Variants in MFSD8 observed in about 807,000 individuals in gnomAD.
MFSD8 encodes major facilitator superfamily domain containing 8, also known as major facilitator superfamily domain-containing protein 8.
MFSD8 carries 55 observed loss-of-function variants against 66.4 expected under a neutral mutation model. The observed-to-expected ratio is 0.83, with a 90% CI of 0.67 to 1.04. The LOEUF (loss-of-function observed/expected upper bound fraction) is 1.04. Ranked by LOEUF, MFSD8 falls within the 50% of genes least tolerant of loss-of-function variation. MFSD8 has a pLI of 0.00. For synonymous variants in MFSD8, 202 were observed against 212.8 expected (o/e 0.95, Z 0.44); for missense variants, 550 against 627.6 (o/e 0.88, Z 1.32).
rs1489775336 is a variant in MFSD8 at position 127,924,126 on chromosome 4, C to CA, written c.999-2164_999-2163insT. On this transcript the variant is annotated intron_variant, in intron 9 of 11. Transcript: ENST00000641686. ...GGCTGTGAATCTATCTGGTCCTGGG[C>CA]TTTTTTTGGTTGGTAGGCTATTAAT... Among the ~76,000 whole-genome samples, 7 of 152,070 alleles carry CA rather than the reference C, an allele frequency of 4.6e-5. No individual in the cohort carries two copies. In the East Asian group the frequency reaches 1.4e-3, roughly 29 times the overall value.
At chr4:127,965,358 T>A (rs556958266), upstream of MFSD8, 116 of 616,756 alleles carry the variant, frequency 1.9e-4, no homozygotes, top group African/African-American at 2.0e-3. Context: ...GGCACGCGCC[T>A]CCCATCCTGA....
At chr4:127,937,427 T>C (rs1394135750) in intron 7 of MFSD8, among the ~76,000 whole-genome samples, 2 of 152,186 alleles carry the variant, frequency 1.3e-5, no homozygotes, top group African/African-American at 4.8e-5. Context: ...CAAATCTCTA[T>C]CTTGATTCCT....
upstream of MFSD8, chr4:127,965,579 T>G: frequency 4.3e-6 from 1 of 230,188 alleles, no homozygotes; most frequent in South Asian, 5.2e-5. Flanking sequence ...CCCGGCCAGC[T>G]CGATCGCAGG....
chr4:127,954,939 C>T (rs1033067610), intron 2 of MFSD8, among the ~76,000 whole-genome samples: 1 of 152,194 alleles, frequency 6.6e-6, no homozygotes, highest in Non-Finnish European at 1.5e-5. Context: ...GATACCATCT[C>T]ATCCACTAGG....
chr4:127,938,759 T>C, intron 7 of MFSD8, 24 bp downstream of exon 7: 1 of 1,583,704 alleles, frequency 6.3e-7, no homozygotes, highest in East Asian at 2.2e-5. Context: ...GTTATATTAA[T>C]TCAGCCAAAT....
intron 9 of MFSD8, among the ~76,000 whole-genome samples, chr4:127,924,490 A>G (rs974279875): frequency 3.3e-4 from 50 of 152,310 alleles, no homozygotes; most frequent in African/African-American, 1.2e-3. Context: ...GCCATTCACA[A>G]TTGCTGCAAA....
At chr4:127,954,797 A>T (rs1306022590) in intron 2 of MFSD8, among the ~76,000 whole-genome samples, 1 of 152,244 alleles carries the variant, frequency 6.6e-6, no homozygotes, top group Non-Finnish European at 1.5e-5. Flanking sequence ...CAACTCAACA[A>T]CAAAAAATCC....
At chr4:127,936,537 A>T (rs896032751) in intron 7 of MFSD8, among the ~76,000 whole-genome samples, 3 of 152,084 alleles carry the variant, frequency 2.0e-5, no homozygotes, top group Admixed American at 1.3e-4. Flanking sequence ...GCCAGCCTGG[A>T]CAATATGGCA....
At chr4:127,965,044 A>AG in intron 1 of MFSD8, 28 bp downstream of exon 1, 3 of 1,611,356 alleles carry the variant, frequency 1.9e-6, no homozygotes, top group African/African-American at 2.7e-5. Flanking sequence ...CAGGAGACTG[A>AG]GGGGTCCCTC....
intron 5 of MFSD8, 94 bp from the exon 6 acceptor site, chr4:127,940,091 G>T: frequency 1.7e-6 from 2 of 1,186,008 alleles, no homozygotes; most frequent in Non-Finnish European, 1.2e-6. Flanking sequence ...TGGGAACAAT[G>T]TTATGGAATC....
rs777137519 is a variant in MFSD8, at chr4:127,947,898, A to ACACACACACACACACTCT, written c.198+1905_198+1906insAGAGTGTGTGTGTGTGTG. On this transcript the variant is annotated intron_variant, in intron 3 of 11. Coordinates refer to ENST00000641686, the MANE Select transcript of MFSD8 (RefSeq NM_001371596.2). ...CACACACACACACACACACACACAC[A>ACACACACACACACACTCT]CTCTCTCTCCAACCTCATAGAAAAA... is the stretch of plus-strand genomic sequence containing the variant. 4.3e-4 allele frequency among the ~76,000 whole-genome samples: 63 copies of ACACACACACACACACTCT among 146,938 alleles called. No individual in the cohort carries two copies. In the East Asian group the frequency reaches 0.011, roughly 27 times the overall value.
chr4:127,918,503 G>A lies in MFSD8; in HGVS notation c.*2127C>T, dbSNP rs1736044555. Reference sequence around the variant, plus strand: ...ACTTTTTTCTGTTATATTCTTGCTGGAAACAGGTTATTATGCTAAGACAAA... The same window carrying A: ...ACTTTTTTCTGTTATATTCTTGCTGAAAACAGGTTATTATGCTAAGACAAA... On this transcript the variant is annotated 3_prime_UTR_variant, in exon 12 of 12. Coordinates refer to ENST00000641686, the MANE Select transcript of MFSD8 (RefSeq NM_001371596.2). 1 of 152,134 alleles carries A rather than the reference G, an allele frequency of 6.6e-6. No individual in the cohort carries two copies. The highest frequency in any genetic ancestry group is 6.5e-5 in the Admixed American group (1 of 15,270). The allele number at this position is 152,134 out of a possible 1,614,324, so 9.4% of individuals were successfully genotyped here.
intron 2 of MFSD8, among the ~76,000 whole-genome samples, chr4:127,956,392 C>T (rs1373776272): frequency 1.3e-5 from 2 of 148,694 alleles, no homozygotes; most frequent in Non-Finnish European, 3.0e-5. Context: ...CCCAGCTACT[C>T]GGGAGGCTGA....
rs755384900 is a variant in MFSD8, at chr4:127,932,985, G to A, written c.863C>T (p.Thr288Ile). 27 of 1,608,440 alleles carry A rather than the reference G, an allele frequency of 1.7e-5. No individual in the cohort carries two copies. Among genetic ancestry groups the A allele is most frequent in the African/African-American group, 4.0e-5 (3 of 74,882 alleles). The change falls in exon 8 of 12, where the codon ACC becomes ATC. Residue 288 changes from threonine to isoleucine, a missense_variant and splice_region_variant. Thr to Ile is a moderately conservative substitution (Grantham distance 89). Transcript: ENST00000641686. Reference protein sequence around the residue: ...VTLFIFALFETIITPLTMDMY... With the variant: ...VTLFIFALFEIIITPLTMDMY... ...CAGATGAAGATGGAATAAAACTTAC[G>A]TTTCAAAAAGGGCAAAGATAAATAG...
In MFSD8 at chr4:127,920,530, T is replaced by C. The variant is rs1736193142; in HGVS notation, c.*100A>G. On this transcript the variant is annotated 3_prime_UTR_variant, in exon 12 of 12. Coordinates refer to ENST00000641686, the MANE Select transcript of MFSD8 (RefSeq NM_001371596.2). ...TGTTCTTCAAAATCTGCAATATCTG[T>C]AGTCTGATTCTTGGAGACTGGCTCA... The C allele has an allele frequency of 8.9e-7, 1 of 1,121,902 alleles. No individual in the cohort carries two copies. The highest frequency in any genetic ancestry group is 1.4e-6 in the Non-Finnish European group (1 of 739,846). The allele number at this position is 1,121,902 out of a possible 1,614,324, so 69.5% of individuals were successfully genotyped here.
intron 9 of MFSD8, 56 bp downstream of exon 9, chr4:127,930,627 C>G: frequency 6.3e-7 from 1 of 1,593,986 alleles, no homozygotes. Context: ...ATTGTTAGCT[C>G]TGTTTTTTGT....
At chr4:127,927,799 G>A (rs919565966) in intron 9 of MFSD8, among the ~76,000 whole-genome samples, 6 of 151,938 alleles carry the variant, frequency 3.9e-5, no homozygotes, top group African/African-American at 1.2e-4. Context: ...CAATCCTCTC[G>A]CCTCAACCTC....
At chr4:127,947,072 C>T (rs1440294467) in intron 3 of MFSD8, among the ~76,000 whole-genome samples, 1 of 151,838 alleles carries the variant, frequency 6.6e-6, no homozygotes, top group African/African-American at 2.4e-5. Flanking sequence ...AAGCTTCTGA[C>T]CCAAATTGTT....
chr4:127,958,322 C>T (rs955541640), intron 1 of MFSD8, among the ~76,000 whole-genome samples: 3 of 152,194 alleles, frequency 2.0e-5, no homozygotes, highest in Non-Finnish European at 4.4e-5. Context: ...AAAGAGTTAA[C>T]AAGTTCACCT....
Sources: allele counts gnomAD v4.1 joint callset (sites outside exome capture counted in the v4.1 genomes callset), GRCh38; gene constraint gnomAD v4.1.1; transcripts MANE v1.5; gene names NCBI Gene and HGNC (gene_info 2026-07-23, HGNC 2026-07-21).